Variants in KHDRBS3 observed in about 807,000 individuals in gnomAD.
The protein encoded by KHDRBS3 is KH RNA binding domain containing, signal transduction associated 3, also known as KH domain-containing, RNA-binding, signal transduction-associated protein 3.
KHDRBS3 carries 23 observed loss-of-function variants against 45.6 expected under a neutral mutation model. The ratio of observed to expected loss-of-function variants is 0.50; its 90% CI spans 0.36 to 0.72. The LOEUF (loss-of-function observed/expected upper bound fraction) is 0.72, where lower values mean the gene tolerates loss of function less well. Among genes scored for constraint, KHDRBS3 ranks in the 30% least tolerant of loss-of-function variants. The pLI is 0.00. For missense variants in KHDRBS3, 352 were observed against 424.8 expected, an observed-to-expected ratio of 0.83 and a Z score of 1.51; for synonymous variants, 162 against 156.5, an observed-to-expected ratio of 1.04 and a Z score of -0.26.
At chr8:135,529,028 T>A (rs1004732509) in intron 2 of KHDRBS3, among the ~76,000 whole-genome samples, 2 of 152,186 alleles carry the variant, frequency 1.3e-5, no homozygotes, top group African/African-American at 4.8e-5. Flanking sequence ...TTAAAAATAA[T>A]CACTTAAGGA....
chr8:135,496,510 G>A (rs1183978161), intron 1 of KHDRBS3, among the ~76,000 whole-genome samples: 1 of 151,904 alleles, frequency 6.6e-6, no homozygotes. Context: ...TGGGATTACA[G>A]GTATAAGCCA....
chr8:135,561,802 C>T (rs909090026), intron 5 of KHDRBS3, among the ~76,000 whole-genome samples: 1 of 151,936 alleles, frequency 6.6e-6, no homozygotes, highest in Non-Finnish European at 1.5e-5. Context: ...CTATGTAGTC[C>T]TAGGCTATAG....
rs1563798731 is a variant in KHDRBS3, at chr8:135,602,159, T to C, written c.808-4796T>C. Among the ~76,000 whole-genome samples the C allele has an allele frequency of 2.0e-5, 3 of 152,184 alleles. No homozygotes were observed. The South Asian group carries it at 6.2e-4, about 32-fold the overall frequency. On this transcript the variant is annotated intron_variant, in intron 6 of 8. Coordinates refer to ENST00000355849, the MANE Select transcript of KHDRBS3 (RefSeq NM_006558.3). Reference sequence around the variant, plus strand: ...CTCATCCCCTACCTTGTGATAAAAATAGTAGATGTTCAACAAGAATTCCCT... The same window carrying C: ...CTCATCCCCTACCTTGTGATAAAAACAGTAGATGTTCAACAAGAATTCCCT...
At chr8:135,568,723 ATC>A in intron 5 of KHDRBS3, among the ~76,000 whole-genome samples, 1 of 152,238 alleles carries the variant, frequency 6.6e-6, no homozygotes, top group Non-Finnish European at 1.5e-5. Flanking sequence ...CTCTGAAACA[ATC>A]AATGGAAACC....
chr8:135,480,293 G>A (rs190539954), intron 1 of KHDRBS3, among the ~76,000 whole-genome samples: 20 of 152,234 alleles, frequency 1.3e-4, no homozygotes, highest in African/African-American at 4.6e-4. Flanking sequence ...AGTCAGGGCA[G>A]TTGGGCAAGA....
intron 1 of KHDRBS3, among the ~76,000 whole-genome samples, chr8:135,508,829 C>G (rs1006631462): frequency 9.2e-5 from 14 of 152,284 alleles, no homozygotes; most frequent in South Asian, 4.2e-4. Flanking sequence ...GACAGGAACT[C>G]CTAGCCTCTT....
intron 4 of KHDRBS3, among the ~76,000 whole-genome samples, chr8:135,550,915 A>T (rs561137338): frequency 6.6e-6 from 1 of 152,140 alleles, no homozygotes; most frequent in Non-Finnish European, 1.5e-5. Context: ...ACAGTGTTTT[A>T]TAGTGTTCAG....
intron 5 of KHDRBS3, among the ~76,000 whole-genome samples, chr8:135,577,117 T>TC (rs1405096129): frequency 2.0e-5 from 3 of 151,970 alleles, no homozygotes; most frequent in Non-Finnish European, 4.4e-5. Flanking sequence ...GTTTTTTTTT[T>TC]CCCTTTAGTC....
chr8:135,574,888 C>G (rs1171161417), intron 5 of KHDRBS3, among the ~76,000 whole-genome samples: 1 of 152,190 alleles, frequency 6.6e-6, no homozygotes, highest in Non-Finnish European at 1.5e-5. Flanking sequence ...TGCACTGTCT[C>G]ATGTTTCTCT....
chr8:135,489,571 A>T (rs1048282889), intron 1 of KHDRBS3, among the ~76,000 whole-genome samples: 8 of 152,120 alleles, frequency 5.3e-5, no homozygotes, highest in African/African-American at 1.9e-4. Flanking sequence ...CCAGCTACTC[A>T]GGAGGCTGAG....
At chr8:135,528,665 T>G (rs1283742702) in intron 2 of KHDRBS3, among the ~76,000 whole-genome samples, 1 of 152,208 alleles carries the variant, frequency 6.6e-6, no homozygotes, top group Non-Finnish European at 1.5e-5. Flanking sequence ...ACACTGAGAC[T>G]GGGTCATTTG....
downstream of KHDRBS3, among the ~76,000 whole-genome samples, chr8:135,650,038 ACAT>A: frequency 6.6e-6 from 1 of 152,126 alleles, no homozygotes; most frequent in Non-Finnish European, 1.5e-5. Flanking sequence ...CTCTAAGAGC[ACAT>A]TTCATTGTTC....
chr8:135,634,502 G>A (rs1830730598), intron 7 of KHDRBS3, among the ~76,000 whole-genome samples: 1 of 152,114 alleles, frequency 6.6e-6, no homozygotes, highest in South Asian at 2.1e-4. Flanking sequence ...TCCAATTATT[G>A]TCAAATGAAT....
intron 6 of KHDRBS3, among the ~76,000 whole-genome samples, chr8:135,583,190 C>G (rs1234705974): frequency 6.6e-6 from 1 of 152,168 alleles, no homozygotes; most frequent in African/African-American, 2.4e-5. Context: ...AGCTTGTGAA[C>G]CTCTGGAAGG....
At chr8:135,650,357 C>T (rs1294867128), downstream of KHDRBS3, among the ~76,000 whole-genome samples, 1 of 152,172 alleles carries the variant, frequency 6.6e-6, no homozygotes, top group Non-Finnish European at 1.5e-5. Flanking sequence ...CTGTGATCCT[C>T]CACCCTCTCT....
At chr8:135,611,808 C>A (rs1423479813) in intron 7 of KHDRBS3, among the ~76,000 whole-genome samples, 2 of 151,806 alleles carry the variant, frequency 1.3e-5, no homozygotes, top group Admixed American at 1.3e-4. Context: ...GCAAGGTACA[C>A]AATTCAGCAC....
intron 5 of KHDRBS3, among the ~76,000 whole-genome samples, chr8:135,578,461 T>A (rs529445847): frequency 6.6e-6 from 1 of 152,234 alleles, no homozygotes; most frequent in East Asian, 1.9e-4. Context: ...CTTGTTCCTA[T>A]ACCATTTGTT....
At chr8:135,607,171 A>G in intron 7 of KHDRBS3, 134 bp downstream of exon 7, 1 of 590,896 alleles carries the variant, frequency 1.7e-6, no homozygotes, top group East Asian at 2.9e-5. Flanking sequence ...GTTTAAATGG[A>G]GAAGCCCTGT....
chr8:135,534,176 A>C (rs529576608), intron 2 of KHDRBS3, among the ~76,000 whole-genome samples: 1 of 151,892 alleles, frequency 6.6e-6, no homozygotes, highest in South Asian at 2.1e-4. Flanking sequence ...TACATTGTTT[A>C]TCTAATACTA....
Sources: gnomAD v4.1 joint callset for allele counts (sites outside exome capture counted in the v4.1 genomes callset) on GRCh38, gnomAD v4.1.1 for gene constraint, MANE v1.5 for transcripts, NCBI Gene and HGNC (gene_info 2026-07-23, HGNC 2026-07-21) for gene names.